The following B3GALNT2 variants were observed in gnomAD, a reference collection of about 807,000 sequenced individuals.
The protein encoded by B3GALNT2 is UDP-GalNAc:beta-1,3-N-acetylgalactosaminyltransferase 2.
In B3GALNT2, 53 loss-of-function variants were observed where a neutral mutation model predicts 61.1. That is an observed-to-expected ratio of 0.87 (90% CI 0.70 to 1.09). The LOEUF (loss-of-function observed/expected upper bound fraction) is 1.09, where lower values mean the gene tolerates loss of function less well. B3GALNT2 is among the 50% of genes least tolerant of loss of function. The pLI, the probability that B3GALNT2 is intolerant of heterozygous loss-of-function variation, is 0.00. For missense variants in B3GALNT2, 544 were observed against 623.0 expected (o/e 0.87, Z 1.35); for synonymous variants, 223 against 237.4 (o/e 0.94, Z 0.56).
chr1:235,467,386 A>T (rs1683748650), intron 6 of B3GALNT2, among the ~76,000 whole-genome samples: 1 of 151,964 alleles, frequency 6.6e-6, no homozygotes, highest in Non-Finnish European at 1.5e-5. Flanking sequence ...AAAAGTTCGT[A>T]GCCAAATGTG....
intron 1 of B3GALNT2, among the ~76,000 whole-genome samples, chr1:235,501,681 G>A (rs1406776942): frequency 6.6e-6 from 1 of 151,848 alleles, no homozygotes. Context: ...ATTCAGGGAA[G>A]GTAAATCGCT....
chr1:235,483,146 C>T (rs1684634206), intron 4 of B3GALNT2, among the ~76,000 whole-genome samples: 3 of 151,924 alleles, frequency 2.0e-5, no homozygotes, highest in Admixed American at 2.0e-4. Flanking sequence ...ATTGGATAGG[C>T]TTAACTTCAG....
downstream of B3GALNT2, among the ~76,000 whole-genome samples, chr1:235,446,435 C>T (rs1036831117): frequency 6.6e-6 from 1 of 152,022 alleles, no homozygotes; most frequent in Non-Finnish European, 1.5e-5. Context: ...CCTCGGCCTC[C>T]CAAAGTGTTG....
the B3GALNT2 span, chr1:235,441,921 G>C: frequency 1.9e-6 from 3 of 1,557,986 alleles, no homozygotes; most frequent in South Asian, 3.4e-5. Context: ...TTGTATTTGA[G>C]TGCTTAGGTG....
chr1:235,480,135 A>G lies in B3GALNT2; in HGVS notation c.570T>C (p.Ile190=). ...YQAEQEEALF[I]ARFSPPSCGV... ...CACAGCTTGGAGGACTGAAGCGAGC[A>G]ATGAAGAGGGCCTCCTACAAATTGG... The change falls in exon 5 of 12, where the codon ATT becomes ATC. Residue 190 remains isoleucine (I), a synonymous_variant. Transcript: ENST00000366600. The G allele has an allele frequency of 1.9e-6, 3 of 1,613,870 alleles. No individual in the cohort carries two copies. Among genetic ancestry groups the G allele is most frequent in the Non-Finnish European group, 2.5e-6 (3 of 1,179,788 alleles).
chr1:235,480,905 C>CAAAAAAAAAAAAAAA (rs55666590), intron 4 of B3GALNT2, among the ~76,000 whole-genome samples: 1 of 31,138 alleles, frequency 3.2e-5, no homozygotes. Context: ...GACTCTGTCT[C>CAAAAAAAAAAAAAAA]AAAAAAAAAA....
intron 5 of B3GALNT2, among the ~76,000 whole-genome samples, chr1:235,477,914 C>T (rs1292203190): frequency 6.6e-6 from 1 of 152,258 alleles, no homozygotes; most frequent in South Asian, 2.1e-4. Context: ...CATTTAGCCC[C>T]CAGAATAACC....
chr1:235,462,581 CTTAAAA>C (rs1360036586), intron 7 of B3GALNT2, among the ~76,000 whole-genome samples: 2 of 152,142 alleles, frequency 1.3e-5, no homozygotes, highest in Non-Finnish European at 2.9e-5. Context: ...AATGAACAAT[CTTAAAA>C]TTAAATTAGA....
chr1:235,463,829 A>C (rs1386076790), intron 7 of B3GALNT2: 1 of 152,230 alleles, frequency 6.6e-6, no homozygotes, highest in Non-Finnish European at 1.5e-5. Flanking sequence ...GGGCTCCCAA[A>C]GTGCTGGGAT....
chr1:235,495,021 T>G (rs1685251198), intron 1 of B3GALNT2, among the ~76,000 whole-genome samples, 193 bp from the exon 2 acceptor site: 2 of 152,202 alleles, frequency 1.3e-5, no homozygotes, highest in African/African-American at 4.8e-5. Context: ...GTTTAGAGTA[T>G]TTTTGTCTTT....
chr1:235,475,918 T>TGG (rs1684255566), intron 5 of B3GALNT2, among the ~76,000 whole-genome samples: 1 of 151,910 alleles, frequency 6.6e-6, no homozygotes. Flanking sequence ...CTCAAACTCA[T>TGG]GGGCTCAATG....
intron 5 of B3GALNT2, among the ~76,000 whole-genome samples, chr1:235,477,078 C>T (rs1684324693): frequency 6.6e-6 from 1 of 151,548 alleles, no homozygotes. Flanking sequence ...GTCTTAATAA[C>T]TACAAAGGTA....
Position 235,448,201 on chromosome 1 carries a change from T to TAAGTA in B3GALNT2, c.*2000_*2004dup, listed in dbSNP as rs1682570958. 3.0e-6 allele frequency: 2 copies of TAAGTA among 662,982 alleles called. No individual in the cohort carries two copies. Among genetic ancestry groups the TAAGTA allele is most frequent in the Admixed American group, 2.8e-5 (1 of 36,000 alleles). 41.1% of individuals were successfully genotyped at this position (662,982 alleles called of 1,614,324 possible). On this transcript the variant is annotated 3_prime_UTR_variant, in exon 12 of 12. Transcript: ENST00000366600. ...GGCGACAGAGCAAGACTTACTTAAGTAAGTAAGTAAGTCAGTCTCAAAAAA... is the reference window on the plus strand; with the variant it reads ...GGCGACAGAGCAAGACTTACTTAAGTAAGTAAAGTAAGTAAGTCAGTCTCAAAAAA...
the B3GALNT2 span, chr1:235,441,514 G>GT: frequency 2.5e-6 from 1 of 405,144 alleles, no homozygotes. Flanking sequence ...GAACAATGAT[G>GT]TAATACACAT....
intron 6 of B3GALNT2, among the ~76,000 whole-genome samples, chr1:235,469,230 T>C (rs968901442): frequency 2.0e-5 from 3 of 152,204 alleles, no homozygotes; most frequent in African/African-American, 7.2e-5. Flanking sequence ...TATATTCATT[T>C]CAACTCAGAA....
At chr1:235,499,237 C>T (rs772139309) in intron 1 of B3GALNT2, among the ~76,000 whole-genome samples, 90 of 152,250 alleles carry the variant, frequency 5.9e-4, no homozygotes, top group Admixed American at 1.8e-3. Context: ...AGATACTAGA[C>T]GGTTCTGTTT....
downstream of B3GALNT2, among the ~76,000 whole-genome samples, chr1:235,446,635 A>T (rs1682334455): frequency 6.6e-6 from 1 of 152,132 alleles, no homozygotes; most frequent in Non-Finnish European, 1.5e-5. Context: ...TAAAAATGGT[A>T]ATGCTATTTA....
At chr1:235,480,946 C>A (rs1054348098) in intron 4 of B3GALNT2, among the ~76,000 whole-genome samples, 19 of 113,242 alleles carry the variant, frequency 1.7e-4, no homozygotes, top group East Asian at 1.1e-3. Flanking sequence ...AAAAAAAAAA[C>A]CGGACTGATT....
downstream of B3GALNT2, among the ~76,000 whole-genome samples, chr1:235,446,761 G>T: frequency 6.6e-6 from 1 of 150,694 alleles, no homozygotes; most frequent in Non-Finnish European, 1.5e-5. Flanking sequence ...ACAGTGGCGC[G>T]ATCATGGCTC....
Sources: allele counts gnomAD v4.1 joint callset (sites outside exome capture counted in the v4.1 genomes callset), GRCh38; gene constraint gnomAD v4.1.1; transcripts MANE v1.5; gene names NCBI Gene and HGNC (gene_info 2026-07-23, HGNC 2026-07-21).